Variants in TBC1D22A observed in about 807,000 individuals in gnomAD.
TBC1D22A encodes the protein TBC1 domain family member 22A, also known as putative GTPase activator.
Under a neutral mutation model 60.2 loss-of-function variants are expected in TBC1D22A, and 38 were observed. The ratio of observed to expected loss-of-function variants is 0.63; its 90% CI spans 0.49 to 0.83. TBC1D22A has a LOEUF of 0.83. TBC1D22A is among the 40% of genes least tolerant of loss of function. TBC1D22A has a pLI of 0.00. For synonymous variants in TBC1D22A, 302 were observed against 281.7 expected, an observed-to-expected ratio of 1.07 and a Z score of -0.72; for missense variants, 628 against 701.0, an observed-to-expected ratio of 0.90 and a Z score of 1.18.
chr22:46,975,602 ACATCTG>A (rs2074265353), intron 9 of TBC1D22A, among the ~76,000 whole-genome samples: 1 of 152,172 alleles, frequency 6.6e-6, no homozygotes, highest in African/African-American at 2.4e-5. Context: ...TTGTCACTTG[ACATCTG>A]CATTGCCTAG....
At chr22:47,136,237 C>G (rs1026821457) in intron 12 of TBC1D22A, among the ~76,000 whole-genome samples, 2 of 152,226 alleles carry the variant, frequency 1.3e-5, no homozygotes, top group African/African-American at 4.8e-5. Flanking sequence ...CTTCTTCAGC[C>G]TCCTAGGAGC....
Position 47,000,479 on chromosome 22 carries a change from G to T in TBC1D22A, c.1201+2770G>T, listed in dbSNP as rs567724437. On this transcript the variant is annotated intron_variant, in intron 10 of 12. Coordinates refer to ENST00000337137, the MANE Select transcript of TBC1D22A (RefSeq NM_014346.5). Reference sequence around the variant, plus strand: ...CCTAAACCTTTAGTAAAAGTCTGCCGTGGAGACACGAAGGTGCTGAGAATG... The same window carrying T: ...CCTAAACCTTTAGTAAAAGTCTGCCTTGGAGACACGAAGGTGCTGAGAATG... 2.6e-5 allele frequency among the ~76,000 whole-genome samples: 4 copies of T among 152,316 alleles called. No homozygotes were observed. The East Asian group carries it at 7.7e-4, about 29-fold the overall frequency.
intron 4 of TBC1D22A, among the ~76,000 whole-genome samples, chr22:46,805,510 A>G (rs2085088144): frequency 6.6e-6 from 1 of 152,126 alleles, no homozygotes; most frequent in Admixed American, 6.5e-5. Flanking sequence ...CCTCTTCCTC[A>G]CAGCTCTAAA....
chr22:46,921,688 C>G (rs765504996), intron 8 of TBC1D22A, among the ~76,000 whole-genome samples: 10 of 151,966 alleles, frequency 6.6e-5, no homozygotes, highest in Non-Finnish European at 1.2e-4. Flanking sequence ...AGTGGCTGAA[C>G]TATTTACATT....
chr22:46,864,309 G>GA lies in TBC1D22A; in HGVS notation c.638-14344_638-14343insA, dbSNP rs1268906022. On this transcript the variant is annotated intron_variant, in intron 4 of 12. Coordinates refer to ENST00000337137, the MANE Select transcript of TBC1D22A (RefSeq NM_014346.5). ...TCTGTGGCTCTCTCATGGTCCTGTA[G>GA]TGGAAGCAGAGACAGAGCAGCCACT... Among the ~76,000 whole-genome samples, 3 of 152,348 alleles carry GA rather than the reference G, an allele frequency of 2.0e-5. No homozygotes were observed. The East Asian group carries it at 5.8e-4, about 29-fold the overall frequency.
intron 4 of TBC1D22A, among the ~76,000 whole-genome samples, chr22:46,875,653 T>C (rs763895854): frequency 6.6e-6 from 1 of 152,184 alleles, no homozygotes; most frequent in African/African-American, 2.4e-5. Flanking sequence ...GGTTTCACCA[T>C]GTTGGCCAGG....
intron 11 of TBC1D22A, among the ~76,000 whole-genome samples, chr22:47,049,501 G>A (rs2063140715): frequency 6.6e-6 from 1 of 152,194 alleles, no homozygotes; most frequent in African/African-American, 2.4e-5. Flanking sequence ...CATCATGAGA[G>A]TACATGCATA....
At chr22:47,095,902 G>A (rs1020182437) in intron 11 of TBC1D22A, among the ~76,000 whole-genome samples, 1 of 152,218 alleles carries the variant, frequency 6.6e-6, no homozygotes, top group Non-Finnish European at 1.5e-5. Flanking sequence ...GGCTGGGCTG[G>A]AGGCTGGCCC....
intron 11 of TBC1D22A, among the ~76,000 whole-genome samples, chr22:47,040,509 T>A (rs1326405571): frequency 6.7e-6 from 1 of 148,632 alleles, no homozygotes; most frequent in African/African-American, 2.5e-5. Flanking sequence ...GCAAGTGGGG[T>A]CAGAGGGCAT....
intron 10 of TBC1D22A, among the ~76,000 whole-genome samples, chr22:47,022,831 C>G (rs1178696305): frequency 6.6e-6 from 1 of 152,202 alleles, no homozygotes; most frequent in African/African-American, 2.4e-5. Context: ...CGAAATACTA[C>G]TCTGGCCCCA....
chr22:46,793,882 C>A, intron 3 of TBC1D22A, 41 bp downstream of exon 3: 1 of 1,488,312 alleles, frequency 6.7e-7, no homozygotes. Context: ...GGTTTCTGGC[C>A]AAGCTAAGAA....
At chr22:46,846,873 C>T (rs1159390541) in intron 4 of TBC1D22A, among the ~76,000 whole-genome samples, 1 of 152,208 alleles carries the variant, frequency 6.6e-6, no homozygotes, top group African/African-American at 2.4e-5. Flanking sequence ...CCCAGACATC[C>T]TGTCATTTCC....
intron 11 of TBC1D22A, among the ~76,000 whole-genome samples, chr22:47,065,579 T>G (rs2063722522): frequency 1.1e-4 from 5 of 44,986 alleles, no homozygotes; most frequent in African/African-American, 3.9e-4. Flanking sequence ...CAAGTATTAG[T>G]GAAGATTTCA....
At chr22:46,824,747 A>G (rs1038917278) in intron 4 of TBC1D22A, among the ~76,000 whole-genome samples, 8 of 151,622 alleles carry the variant, frequency 5.3e-5, no homozygotes, top group Non-Finnish European at 8.8e-5. Flanking sequence ...AGCTGTGGGG[A>G]GGAGGCTTGT....
intron 1 of TBC1D22A, among the ~76,000 whole-genome samples, chr22:46,778,941 G>A (rs1191517744): frequency 6.6e-6 from 1 of 152,146 alleles, no homozygotes; most frequent in Non-Finnish European, 1.5e-5. Context: ...ATACCCAGGA[G>A]TCTGAGGCAG....
chr22:47,155,627 A>C (rs2067682765), intron 12 of TBC1D22A, among the ~76,000 whole-genome samples: 1 of 151,522 alleles, frequency 6.6e-6, no homozygotes, highest in Admixed American at 6.6e-5. Flanking sequence ...GAGGACGCGT[A>C]ACACTTGACA....
chr22:46,917,789 T>G (rs2070475547), intron 8 of TBC1D22A, among the ~76,000 whole-genome samples: 1 of 152,040 alleles, frequency 6.6e-6, no homozygotes, highest in Admixed American at 6.5e-5. Flanking sequence ...GGCTCTCTGA[T>G]GTGTCAGGGG....
chr22:46,830,425 G>A (rs1348297663), intron 4 of TBC1D22A, among the ~76,000 whole-genome samples: 2 of 152,212 alleles, frequency 1.3e-5, no homozygotes, highest in Admixed American at 6.5e-5. Context: ...ATCGCAGGGC[G>A]TCATGTTGCA....
chr22:47,014,935 G>A (rs1377787624), intron 10 of TBC1D22A, among the ~76,000 whole-genome samples: 1 of 152,226 alleles, frequency 6.6e-6, no homozygotes, highest in Non-Finnish European at 1.5e-5. Context: ...TGAGCTGCCT[G>A]GGTGACTGAG....
Sources: gnomAD v4.1 joint callset for allele counts (sites outside exome capture counted in the v4.1 genomes callset) on GRCh38, gnomAD v4.1.1 for gene constraint, MANE v1.5 for transcripts, NCBI Gene and HGNC (gene_info 2026-07-23, HGNC 2026-07-21) for gene names.